TCF4: variants seen among roughly 807,000 people sequenced by gnomAD.
The protein encoded by TCF4 is SL3-3 enhancer factor 2.
TCF4 carries 3 observed loss-of-function variants against 82.1 expected under a neutral mutation model. The ratio of observed to expected loss-of-function variants is 0.04; its 90% confidence interval spans 0.02 to 0.09. TCF4 has a LOEUF of 0.09. Among genes scored for constraint, TCF4 ranks in the 10% least tolerant of loss-of-function variants. The pLI, the probability that TCF4 is intolerant of heterozygous loss-of-function variation, is 1.00. For missense variants in TCF4, 518 were observed against 852.7 expected, an observed-to-expected ratio of 0.61 and a Z score of 4.89; for synonymous variants, 276 against 309.6, an observed-to-expected ratio of 0.89 and a Z score of 1.14.
intron 15 of TCF4, among the ~76,000 whole-genome samples, chr18:55,249,282 C>T (rs1344779905): frequency 6.6e-6 from 1 of 152,124 alleles, no homozygotes; most frequent in Non-Finnish European, 1.5e-5. Context: ...AAAAAGATAC[C>T]ACTTTTCCTA....
chr18:55,490,750 G>A (rs570842262), intron 3 of TCF4, among the ~76,000 whole-genome samples: 6 of 152,298 alleles, frequency 3.9e-5, no homozygotes, highest in African/African-American at 1.4e-4. Context: ...AAGGAATACG[G>A]AGATGACCTG....
At chr18:55,524,201 C>G (rs868495271) in intron 3 of TCF4, among the ~76,000 whole-genome samples, 1 of 152,024 alleles carries the variant, frequency 6.6e-6, no homozygotes, top group Non-Finnish European at 1.5e-5. Flanking sequence ...GGCAGCTCTT[C>G]TACTAGATCA....
intron 5 of TCF4, among the ~76,000 whole-genome samples, chr18:55,432,259 T>C (rs533762065): frequency 1.2e-4 from 19 of 152,116 alleles, no homozygotes; most frequent in Non-Finnish European, 2.1e-4. Flanking sequence ...GCCAAGATCA[T>C]GCCACTGCAT....
chr18:55,401,245 C>T, intron 6 of TCF4: 3 of 1,188,586 alleles, frequency 2.5e-6, no homozygotes, highest in Non-Finnish European at 3.2e-6. Flanking sequence ...CCCTATTTTC[C>T]CTCTGTCAGC....
intron 3 of TCF4, among the ~76,000 whole-genome samples, chr18:55,528,613 G>A (rs151033651): frequency 6.6e-6 from 1 of 152,282 alleles, no homozygotes; most frequent in East Asian, 1.9e-4. Context: ...TACAGCTAAT[G>A]TTCAGAATCC....
intron 6 of TCF4, among the ~76,000 whole-genome samples, chr18:55,395,089 A>G (rs1310342873): frequency 1.3e-5 from 2 of 152,248 alleles, no homozygotes; most frequent in African/African-American, 2.4e-5. Context: ...CAATAAAATA[A>G]TATCAAGCAT....
intron 6 of TCF4, among the ~76,000 whole-genome samples, chr18:55,357,217 T>C (rs1237136859): frequency 6.6e-6 from 1 of 152,212 alleles, no homozygotes; most frequent in Non-Finnish European, 1.5e-5. Context: ...CCAGGTCATC[T>C]ATTATATATT....
At chr18:55,433,464 C>A (rs1487034849) in intron 5 of TCF4, among the ~76,000 whole-genome samples, 1 of 152,216 alleles carries the variant, frequency 6.6e-6, no homozygotes, top group Non-Finnish European at 1.5e-5. Context: ...GTGACTATCA[C>A]TATTTACAAT....
chr18:55,536,246 T>C (rs978281352), intron 3 of TCF4, among the ~76,000 whole-genome samples: 3 of 152,198 alleles, frequency 2.0e-5, no homozygotes, highest in African/African-American at 7.2e-5. Context: ...AATAAATCAA[T>C]ATTTTCCTAC....
rs2144319664 is a variant in TCF4, at chr18:55,226,729, A to C, written c.*1306T>G. 6.6e-6 allele frequency: 1 copy of C among 152,616 alleles called. No homozygotes were observed. The highest frequency in any genetic ancestry group is 1.5e-5 in the Non-Finnish European group (1 of 67,990). The allele number at this position is 152,616 out of a possible 1,614,324, so 9.5% of individuals were successfully genotyped here. The stretch of plus-strand genomic sequence containing the variant: ...AATCAAGAAAGCAACAAAATCAATC[A>C]GCTCTGTCACACTACTTGCAATTTT... On this transcript the variant is annotated 3_prime_UTR_variant, in exon 20 of 20. Coordinates refer to ENST00000354452, the MANE Select transcript of TCF4 (RefSeq NM_001083962.2).
Position 55,249,555 on chromosome 18 carries a change from CA to C in TCF4, c.1350+4941del, listed in dbSNP as rs1476652059. ...TGATCTTTCACTACTGGATAAGGGT[CA>C]GGCCCCTGGTCTTTTAGAGGGCATA... On this transcript the variant is annotated intron_variant, in intron 15 of 19. Transcript: ENST00000354452. Among the ~76,000 whole-genome samples, 12 of 152,316 alleles carry C rather than the reference CA, an allele frequency of 7.9e-5. No individual in the cohort carries two copies. In the East Asian group the frequency reaches 2.3e-3, roughly 29 times the overall value.
At chr18:55,399,829 TTCTCTC>T (rs147568400) in intron 6 of TCF4, among the ~76,000 whole-genome samples, 12 of 80,774 alleles carry the variant, frequency 1.5e-4, no homozygotes, top group Non-Finnish European at 2.8e-4. Context: ...GCAGCTTTCT[TTCTCTC>T]TCTCTCTCTC....
chr18:55,297,476 T>G (rs1330820831), intron 8 of TCF4, among the ~76,000 whole-genome samples: 1 of 150,860 alleles, frequency 6.6e-6, no homozygotes, highest in African/African-American at 2.5e-5. Flanking sequence ...GAGCTAGCTC[T>G]TCACACACTA....
At chr18:55,327,131 A>T (rs535962319) in intron 8 of TCF4, among the ~76,000 whole-genome samples, 2 of 152,312 alleles carry the variant, frequency 1.3e-5, no homozygotes, top group Non-Finnish European at 1.5e-5. Context: ...ACTATGAAAT[A>T]ACTGTTTTCT....
chr18:55,417,314 G>T (rs2919450), intron 5 of TCF4, among the ~76,000 whole-genome samples: 38,429 of 151,950 alleles, frequency 0.25, 5,118 homozygotes, highest in East Asian at 0.48. Context: ...CAAAGATGAG[G>T]ACCTGCAGCT....
rs2097632236 is a variant in TCF4, at chr18:55,585,457, A to T, written c.73-105T>A. 2.3e-5 allele frequency: 25 copies of T among 1,091,418 alleles called. No homozygotes were observed. In the South Asian group the frequency reaches 3.0e-4, roughly 13 times the overall value. 67.6% of individuals were successfully genotyped at this position (1,091,418 alleles called of 1,614,324 possible). Reference sequence around the variant, plus strand: ...TACCAAACAGCTTAGAGTTTATGCTAAGGGTTTATTTAGTAAAATACATCA... The same window carrying T: ...TACCAAACAGCTTAGAGTTTATGCTTAGGGTTTATTTAGTAAAATACATCA... On this transcript the variant is annotated intron_variant, in intron 2 of 19. Coordinates refer to ENST00000354452, the MANE Select transcript of TCF4 (RefSeq NM_001083962.2).
chr18:55,586,357 C>A, intron 2 of TCF4: 1 of 604,356 alleles, frequency 1.7e-6, no homozygotes, highest in Non-Finnish European at 2.9e-6. Flanking sequence ...ATTCTCCTGA[C>A]ATGTCTGGGA....
chr18:55,227,228 G>C lies in TCF4; in HGVS notation c.*807C>G, dbSNP rs2046706909. ...CTACAGGTTACGATAACAAACCAGG[G>C]AAAGGGACAGAAATAAGACCAAAAA... On this transcript the variant is annotated 3_prime_UTR_variant, in exon 20 of 20. Coordinates refer to ENST00000354452, the MANE Select transcript of TCF4 (RefSeq NM_001083962.2). The C allele has an allele frequency of 6.9e-6, 1 of 145,018 alleles. No individual in the cohort carries two copies. Among genetic ancestry groups the C allele is most frequent in the African/African-American group, 2.6e-5 (1 of 38,016 alleles). The allele number at this position is 145,018 out of a possible 1,614,324, so 9.0% of individuals were successfully genotyped here. A position where few individuals can be genotyped will look rare whatever the true frequency, so the allele number is the denominator to read the frequency against.
chr18:55,591,909 T>C (rs540945033), upstream of TCF4, among the ~76,000 whole-genome samples: 1 of 152,368 alleles, frequency 6.6e-6, no homozygotes, highest in Non-Finnish European at 1.5e-5. Flanking sequence ...ATTGCTAGTC[T>C]CGTTGCTTCT....
Sources: gnomAD v4.1 joint callset for allele counts (sites outside exome capture counted in the v4.1 genomes callset) on GRCh38, gnomAD v4.1.1 for gene constraint, MANE v1.5 for transcripts, NCBI Gene and HGNC (gene_info 2026-07-23, HGNC 2026-07-21) for gene names.